ADGRV1: variants seen among roughly 807,000 people sequenced by gnomAD.
ADGRV1 encodes the protein G-protein coupled receptor 98.
A neutral mutation model predicts 596.2 loss-of-function variants in ADGRV1; 359 were observed. The observed-to-expected ratio is 0.60, with a 90% CI of 0.55 to 0.66. ADGRV1 has a LOEUF of 0.66. Among genes scored for constraint, ADGRV1 ranks in the 30% least tolerant of loss-of-function variants. ADGRV1 has a pLI of 0.00. For missense variants in ADGRV1, 7,274 were observed against 7,575.6 expected (o/e 0.96, Z 1.48); for synonymous variants, 2,681 against 2,679.2 (o/e 1.00, Z -0.02).
chr5:90,909,314 T>C (rs1772623849), intron 83 of ADGRV1, among the ~76,000 whole-genome samples: 1 of 152,202 alleles, frequency 6.6e-6, no homozygotes, highest in South Asian at 2.1e-4. Flanking sequence ...CTTTTGACCA[T>C]TCCAAAATGT....
chr5:90,887,175 A>G (rs528954390), intron 83 of ADGRV1, among the ~76,000 whole-genome samples: 1 of 152,100 alleles, frequency 6.6e-6, no homozygotes, highest in African/African-American at 2.4e-5. Flanking sequence ...TCTACCACCC[A>G]CACCACACGG....
chr5:90,587,664 C>G (rs1255153255), intron 1 of ADGRV1, among the ~76,000 whole-genome samples: 1 of 151,314 alleles, frequency 6.6e-6, no homozygotes, highest in Non-Finnish European at 1.5e-5. Flanking sequence ...TCAAGCTATT[C>G]CTCCTGCTTC....
chr5:91,113,849 G>A (rs1249708083), intron 87 of ADGRV1, among the ~76,000 whole-genome samples: 1 of 151,886 alleles, frequency 6.6e-6, no homozygotes, highest in Non-Finnish European at 1.5e-5. Context: ...AACCCGGGAG[G>A]CAGAGGTTGC....
chr5:90,758,115 G>A (rs1399699969), intron 57 of ADGRV1, among the ~76,000 whole-genome samples: 1 of 152,092 alleles, frequency 6.6e-6, no homozygotes, highest in African/African-American at 2.4e-5. Context: ...GGTGGATCAC[G>A]AGGTCAGGAG....
rs1286467165 is a variant in ADGRV1 at position 90,653,774 on chromosome 5, T to C, written c.4200T>C (p.Tyr1400=). Residue 1400 remains tyrosine, a synonymous_variant, in exon 20 of 90, where the codon TAT becomes TAC. Transcript: ENST00000405460. The part of the protein sequence containing the change: ...NESHVTLSLH[Y]KTLGSNATYI... ...CCCATGTGACACTTTCCCTTCATTA[T>C]AAAACCTTGGGTTCCAATGCTACAT... 3 of 1,613,404 alleles carry C rather than the reference T, an allele frequency of 1.9e-6. No homozygotes were observed. The South Asian group carries it at 3.3e-5, about 18-fold the overall frequency.
intron 17 of ADGRV1, among the ~76,000 whole-genome samples, chr5:90,648,863 A>G (rs1768184438): frequency 6.6e-6 from 1 of 152,246 alleles, no homozygotes; most frequent in African/African-American, 2.4e-5. Context: ...GATCTTACGT[A>G]GACTAAAAAC....
chr5:90,866,285 TTATAAC>T (rs1298422189), intron 83 of ADGRV1, among the ~76,000 whole-genome samples: 2 of 147,620 alleles, frequency 1.4e-5, no homozygotes, highest in African/African-American at 5.0e-5. Context: ...ATGTAGACTA[TTATAAC>T]TATAATTTAT....
chr5:90,725,636 G>A lies in ADGRV1; in HGVS notation c.10141G>A (p.Asp3381Asn). The A allele has an allele frequency of 6.4e-7, 1 of 1,551,860 alleles. No individual in the cohort carries two copies. Among genetic ancestry groups the A allele is most frequent in the South Asian group, 1.1e-5 (1 of 87,324 alleles). ...TTATTTAATCATTGCAAGTCAAAGA[G>A]ATGATTCCGAATTAACTCAGGTTTG... The part of the protein sequence containing the change: ...QDYLIIASQR[D>N]DSELTQVFRW... Residue 3381 changes from aspartate (D) to asparagine (N), a missense_variant, in exon 48 of 90, where the codon GAT becomes AAT. By Grantham distance (23) the Asp-to-Asn change is conservative. Coordinates refer to ENST00000405460, the MANE Select transcript of ADGRV1 (RefSeq NM_032119.4).
intron 21 of ADGRV1, among the ~76,000 whole-genome samples, chr5:90,666,944 T>A (rs1382860381): frequency 6.6e-6 from 1 of 152,056 alleles, no homozygotes; most frequent in Non-Finnish European, 1.5e-5. Flanking sequence ...TGGCCCCCAC[T>A]CTCTTCTGGC....
chr5:90,810,360 C>A lies in ADGRV1; in HGVS notation c.15100C>A (p.His5034Asn). ...ACATGTACAAAGACTATTTGGGTTC[C>A]ACAGCGATCTTATTAAAGTTTCTTA... ...RLHVQRLFGF[H>N]SDLIKVSYQT... The change falls in exon 74 of 90, where the codon CAC becomes AAC. Residue 5034 changes from histidine (H) to asparagine (N), a missense_variant. By Grantham distance (68) the His-to-Asn change is moderately conservative. Around this residue, in one of 5 missense-constraint regions of ADGRV1, gnomAD observed 1,874 missense variants for 1,970.2 expected, o/e 0.95. Transcript: ENST00000405460. 6.2e-7 allele frequency: 1 copy of A among 1,613,544 alleles called. No individual in the cohort carries two copies. The highest frequency in any genetic ancestry group is 8.5e-7 in the Non-Finnish European group (1 of 1,179,762).
intron 83 of ADGRV1, among the ~76,000 whole-genome samples, chr5:90,952,057 A>C (rs565403501): frequency 1.3e-5 from 2 of 152,220 alleles, no homozygotes; most frequent in Non-Finnish European, 2.9e-5. Flanking sequence ...ATGTAAAATA[A>C]ATAAAAGTTG....
intron 1 of ADGRV1, among the ~76,000 whole-genome samples, chr5:90,564,961 G>A (rs538515754): frequency 6.6e-6 from 1 of 152,174 alleles, no homozygotes; most frequent in South Asian, 2.1e-4. Flanking sequence ...TGGCCTGGGC[G>A]TGGTGGCTCA....
intron 84 of ADGRV1, among the ~76,000 whole-genome samples, chr5:90,976,621 G>C (rs1779639002): frequency 6.6e-6 from 1 of 151,894 alleles, no homozygotes; most frequent in South Asian, 2.1e-4. Context: ...CATGCTCTCA[G>C]TTGGATTTCC....
At chr5:90,647,344 G>A (rs544042950) in intron 16 of ADGRV1, among the ~76,000 whole-genome samples, 154 bp from the exon 17 acceptor site, 4 of 152,268 alleles carry the variant, frequency 2.6e-5, no homozygotes, top group African/African-American at 9.6e-5. Context: ...TAATCAGAGG[G>A]TAGTCATGTC....
intron 1 of ADGRV1, among the ~76,000 whole-genome samples, chr5:90,603,887 C>T (rs28480058): frequency 0.53 from 72,479 of 135,754 alleles, 19,843 homozygotes; most frequent in African/African-American, 0.66. Context: ...TGTGTGTGTA[C>T]GTGCCTGCAC....
intron 24 of ADGRV1, among the ~76,000 whole-genome samples, chr5:90,675,783 G>A (rs1773166956): frequency 1.3e-5 from 2 of 150,552 alleles, no homozygotes; most frequent in African/African-American, 4.9e-5. Flanking sequence ...GTGAGACTCT[G>A]TCTCTAAAAT....
chr5:91,080,183 T>C (rs1036489457), intron 86 of ADGRV1, among the ~76,000 whole-genome samples: 1 of 152,206 alleles, frequency 6.6e-6, no homozygotes, highest in African/African-American at 2.4e-5. Context: ...CATTTCAATG[T>C]GCTGGGGTCA....
intron 1 of ADGRV1, among the ~76,000 whole-genome samples, chr5:90,598,622 C>T (rs1489159007): frequency 2.6e-5 from 4 of 152,116 alleles, no homozygotes; most frequent in Non-Finnish European, 5.9e-5. Context: ...TACCGGAGCT[C>T]AGTGGCAGCT....
chr5:90,986,876 G>T (rs1220628888), intron 85 of ADGRV1, among the ~76,000 whole-genome samples: 3 of 152,112 alleles, frequency 2.0e-5, no homozygotes, highest in Non-Finnish European at 2.9e-5. Context: ...AAGCCGTGGT[G>T]GCTAGCAGAT....
Sources: allele counts gnomAD v4.1 joint callset (sites outside exome capture counted in the v4.1 genomes callset), GRCh38; gene constraint gnomAD v4.1.1; regional missense constraint gnomAD v4.1.1; transcripts MANE v1.5; gene names NCBI Gene and HGNC (gene_info 2026-07-23, HGNC 2026-07-21).